The following TSPAN5 variants were observed in gnomAD, a reference collection of about 807,000 sequenced individuals.
The protein encoded by TSPAN5 is tetraspanin-5.
A neutral mutation model predicts 37.1 loss-of-function variants in TSPAN5; 10 were observed. The ratio of observed to expected loss-of-function variants is 0.27; its 90% confidence interval spans 0.17 to 0.46. The LOEUF is 0.46. TSPAN5 is among the 20% of genes least tolerant of loss of function. The probability of loss-of-function intolerance (pLI) is 1.00; values close to 1 mark genes in which losing one functional copy is unlikely to be tolerated. For synonymous variants in TSPAN5, 110 were observed against 118.9 expected, an observed-to-expected ratio of 0.93 and a Z score of 0.48; for missense variants, 195 against 326.6, an observed-to-expected ratio of 0.60 and a Z score of 3.11.
In TSPAN5 at chr4:98,531,109, T is replaced by A. The variant is rs144339313; in HGVS notation, c.82-23381A>T. Among the ~76,000 whole-genome samples, 941 of 152,302 alleles carry A rather than the reference T, an allele frequency of 6.2e-3. 6 individuals are homozygous for A. The highest frequency in any genetic ancestry group is 9.3e-3 in the Non-Finnish European group (636 of 68,024). On this transcript the variant is annotated intron_variant, in intron 1 of 7. Coordinates refer to ENST00000305798, the MANE Select transcript of TSPAN5 (RefSeq NM_005723.4). ...ATTATACTTTAAGTTCCGGAGTACATGTGCAGAACTTGCAGTTTCATTACA... is the reference window on the plus strand; with the variant it reads ...ATTATACTTTAAGTTCCGGAGTACAAGTGCAGAACTTGCAGTTTCATTACA...
intron 2 of TSPAN5, among the ~76,000 whole-genome samples, chr4:98,489,133 A>G (rs2110267091): frequency 6.6e-6 from 1 of 152,316 alleles, no homozygotes; most frequent in East Asian, 1.9e-4. Flanking sequence ...CAGAAAGAAG[A>G]GGTAGCAGTA....
At chr4:98,563,577 C>G (rs1197451794) in intron 1 of TSPAN5, among the ~76,000 whole-genome samples, 6 of 152,214 alleles carry the variant, frequency 3.9e-5, no homozygotes, top group Non-Finnish European at 8.8e-5. Context: ...TGCACACAGA[C>G]ACAGTTAACA....
chr4:98,579,332 A>G (rs1755317099), intron 1 of TSPAN5, among the ~76,000 whole-genome samples: 1 of 152,214 alleles, frequency 6.6e-6, no homozygotes, highest in South Asian at 2.1e-4. Context: ...ACCTATGCCC[A>G]AGTGCAGCAT....
intron 1 of TSPAN5, among the ~76,000 whole-genome samples, chr4:98,617,174 T>C (rs567469409): frequency 6.6e-6 from 1 of 152,214 alleles, no homozygotes; most frequent in South Asian, 2.1e-4. Context: ...AGAAGTAATA[T>C]TTGTGGGACT....
intron 1 of TSPAN5, among the ~76,000 whole-genome samples, chr4:98,622,643 C>T (rs183000670): frequency 1.3e-5 from 2 of 152,142 alleles, no homozygotes; most frequent in Admixed American, 6.6e-5. Context: ...AGTTTTGAAC[C>T]GATGGGTCTG....
chr4:98,473,608 C>T (rs1158495541), intron 7 of TSPAN5, among the ~76,000 whole-genome samples: 3 of 151,866 alleles, frequency 2.0e-5, no homozygotes, highest in African/African-American at 4.8e-5. Context: ...TACAGGCGCC[C>T]GCCACCGCGC....
Position 98,482,015 on chromosome 4 carries a change from G to A in TSPAN5, c.440C>T (p.Thr147Ile). 2 of 1,613,808 alleles carry A rather than the reference G, an allele frequency of 1.2e-6. No homozygotes were observed. Among genetic ancestry groups the A allele is most frequent in the South Asian group, 1.1e-5 (1 of 90,982 alleles). ...CCACTTTAAACTTACATATTCCTGGGTGAAGTCTATGAGGTTTTGCAAATC... is the reference window on the plus strand; with the variant it reads ...CCACTTTAAACTTACATATTCCTGGATGAAGTCTATGAGGTTTTGCAAATC... ...DIDLQNLIDFTQEYWQCCGAF... is the reference protein window; with the variant it reads ...DIDLQNLIDFIQEYWQCCGAF... The change falls in exon 4 of 8, where the codon ACC (threonine) becomes ATC (isoleucine). Residue 147 changes from threonine (T) to isoleucine (I), a missense_variant. Physicochemically the swap from Thr to Ile is moderately conservative, Grantham distance 89. Coordinates refer to ENST00000305798, the MANE Select transcript of TSPAN5 (RefSeq NM_005723.4).
intron 1 of TSPAN5, among the ~76,000 whole-genome samples, chr4:98,571,532 G>A (rs1755120048): frequency 1.3e-5 from 2 of 148,442 alleles, no homozygotes; most frequent in Admixed American, 1.3e-4. Flanking sequence ...ACTGATAACA[G>A]CATTTTTATT....
At chr4:98,585,317 CTCTT>C (rs140609029) in intron 1 of TSPAN5, among the ~76,000 whole-genome samples, 5,238 of 151,432 alleles carry the variant, frequency 0.035, 137 homozygotes, top group East Asian at 0.077. Context: ...TCCACTCTCT[CTCTT>C]TTTTTTTTGA....
intron 1 of TSPAN5, among the ~76,000 whole-genome samples, chr4:98,510,778 C>T (rs554160381): frequency 6.6e-6 from 1 of 152,316 alleles, no homozygotes; most frequent in East Asian, 1.9e-4. Context: ...AAGGGAAACA[C>T]TCAATACCTA....
At chr4:98,632,349 C>T (rs576550900) in intron 1 of TSPAN5, among the ~76,000 whole-genome samples, 22 of 152,182 alleles carry the variant, frequency 1.4e-4, no homozygotes, top group African/African-American at 4.3e-4. Flanking sequence ...CCCCTCTGAC[C>T]CCCCGACCCT....
intron 1 of TSPAN5, among the ~76,000 whole-genome samples, chr4:98,558,811 A>T (rs551604633): frequency 8.4e-4 from 128 of 152,336 alleles, no homozygotes; most frequent in Admixed American, 2.5e-3. Context: ...GCCAGAGTCT[A>T]ACTGAGGGAC....
intron 1 of TSPAN5, among the ~76,000 whole-genome samples, chr4:98,563,240 G>C (rs1277975888): frequency 6.6e-6 from 1 of 152,134 alleles, no homozygotes; most frequent in Non-Finnish European, 1.5e-5. Context: ...GATGAGAGGA[G>C]GGAAAGAGAA....
intron 1 of TSPAN5, among the ~76,000 whole-genome samples, chr4:98,650,449 T>C (rs1015468853): frequency 2.0e-5 from 3 of 152,140 alleles, no homozygotes; most frequent in African/African-American, 4.8e-5. Context: ...CTGCAGAAGA[T>C]TGGTTACATA....
Position 98,554,280 on chromosome 4 carries a change from G to A in TSPAN5, c.82-46552C>T, listed in dbSNP as rs192922796. Among the ~76,000 whole-genome samples the A allele has an allele frequency of 2.6e-5, 4 of 152,174 alleles. No homozygotes were observed. The East Asian group carries it at 7.7e-4, about 29-fold the overall frequency. On this transcript the variant is annotated intron_variant, in intron 1 of 7. Coordinates refer to ENST00000305798, the MANE Select transcript of TSPAN5 (RefSeq NM_005723.4). ...AAAATATAAGATATCTAGTTATGTA[G>A]CTGCCTCTTAACTTTTTAGCGGTGT...
chr4:98,505,079 C>A (rs1578953026), intron 2 of TSPAN5, among the ~76,000 whole-genome samples: 3 of 152,044 alleles, frequency 2.0e-5, no homozygotes, highest in African/African-American at 4.8e-5. Flanking sequence ...GACCTAATTA[C>A]CTCCCCGCCA....
intron 1 of TSPAN5, among the ~76,000 whole-genome samples, chr4:98,555,769 T>G (rs959457652): frequency 6.6e-6 from 1 of 152,228 alleles, no homozygotes; most frequent in African/African-American, 2.4e-5. Flanking sequence ...TGCTTTCATG[T>G]GCCTTGCTTT....
At chr4:98,597,606 T>C (rs1307921672) in intron 1 of TSPAN5, among the ~76,000 whole-genome samples, 1 of 59,560 alleles carries the variant, frequency 1.7e-5, no homozygotes, top group South Asian at 8.1e-4. Flanking sequence ...GATGTACATA[T>C]GGGTTTTCGG....
chr4:98,540,801 T>G (rs1327774535), intron 1 of TSPAN5, among the ~76,000 whole-genome samples: 1 of 152,238 alleles, frequency 6.6e-6, no homozygotes, highest in Non-Finnish European at 1.5e-5. Flanking sequence ...ACACTGCCAA[T>G]CTGTGTCTTC....
Sources: gnomAD v4.1 joint callset for allele counts (sites outside exome capture counted in the v4.1 genomes callset) on GRCh38, gnomAD v4.1.1 for gene constraint, MANE v1.5 for transcripts, NCBI Gene and HGNC (gene_info 2026-07-23, HGNC 2026-07-21) for gene names.